SDC2: variants seen among roughly 807,000 people sequenced by gnomAD.
The protein encoded by SDC2 is syndecan-2.
In SDC2, 13 loss-of-function variants were observed where a neutral mutation model predicts 22.2. That is an observed-to-expected ratio of 0.59 (90% CI 0.38 to 0.93). The LOEUF (loss-of-function observed/expected upper bound fraction) is 0.93, where lower values mean the gene tolerates loss of function less well. Among genes scored for constraint, SDC2 ranks in the 40% least tolerant of loss-of-function variants. The pLI, the probability that SDC2 is intolerant of heterozygous loss-of-function variation, is 0.00. For synonymous variants in SDC2, 94 were observed against 92.8 expected, an observed-to-expected ratio of 1.01 and a Z score of -0.07; for missense variants, 235 against 246.8, an observed-to-expected ratio of 0.95 and a Z score of 0.32.
At chr8:96,604,929 G>A (rs553817849) in intron 3 of SDC2, among the ~76,000 whole-genome samples, 19 of 152,146 alleles carry the variant, frequency 1.2e-4, no homozygotes, top group Non-Finnish European at 2.8e-4. Context: ...GCTTCCATAC[G>A]ATAAAACATT....
intron 1 of SDC2, among the ~76,000 whole-genome samples, chr8:96,587,778 T>G (rs1291588742): frequency 6.6e-6 from 1 of 152,154 alleles, no homozygotes; most frequent in Non-Finnish European, 1.5e-5. Context: ...AATGCTGGAT[T>G]AAGCCAAGTT....
chr8:96,575,834 A>G (rs1814478875), intron 1 of SDC2, among the ~76,000 whole-genome samples: 1 of 152,192 alleles, frequency 6.6e-6, no homozygotes, highest in Non-Finnish European at 1.5e-5. Context: ...TCTGTTCTGC[A>G]TGTCAGATTT....
chr8:96,566,961 C>T (rs1814310148), intron 1 of SDC2, among the ~76,000 whole-genome samples: 1 of 152,176 alleles, frequency 6.6e-6, no homozygotes. Context: ...TCAAGCGATT[C>T]TCTTTCCTCA....
rs916332508 is a variant in SDC2 at position 96,495,190 on chromosome 8, C to T, written c.60+859C>T. Among the ~76,000 whole-genome samples the T allele has an allele frequency of 6.4e-4, 98 of 152,344 alleles. 1 individual carries two copies. The highest frequency in any genetic ancestry group is 2.2e-3 in the African/African-American group (92 of 41,592). On this transcript the variant is annotated intron_variant, in intron 1 of 4. Coordinates refer to ENST00000302190, the MANE Select transcript of SDC2 (RefSeq NM_002998.4). ...TCGCCTGGCCGCTGGGGGACAGAGG[C>T]TTCCCTCCCGCCACGCTCGCCCTCT...
intron 1 of SDC2, among the ~76,000 whole-genome samples, chr8:96,507,503 G>A (rs777432675): frequency 4.8e-4 from 73 of 152,290 alleles, no homozygotes; most frequent in Non-Finnish European, 1.0e-3. Context: ...TGAAACTTCA[G>A]GCTAATTATG....
At position 96,600,498 on chromosome 8, in the gene SDC2, C is replaced by T. The variant is rs545677626; in HGVS notation, c.173-1897C>T. 2.0e-5 allele frequency among the ~76,000 whole-genome samples: 3 copies of T among 152,238 alleles called. No homozygotes were observed. The South Asian group carries it at 6.2e-4, about 32-fold the overall frequency. On this transcript the variant is annotated intron_variant, in intron 2 of 4. Transcript: ENST00000302190. ...TTGTTGAACAAATACCAGATCAGAG[C>T]CTGTTATGTCTTAGACACTATGTTA...
chr8:96,538,100 T>C (rs1207449892), intron 1 of SDC2, among the ~76,000 whole-genome samples: 2 of 152,114 alleles, frequency 1.3e-5, no homozygotes, highest in African/African-American at 2.4e-5. Flanking sequence ...GTAGCTGGGA[T>C]TACAGGCGCA....
At chr8:96,599,243 G>C (rs1814935176) in intron 2 of SDC2, among the ~76,000 whole-genome samples, 1 of 152,058 alleles carries the variant, frequency 6.6e-6, no homozygotes, top group African/African-American at 2.4e-5. Context: ...GCTTGGCCCT[G>C]TCTTTAACTT....
chr8:96,560,939 C>T (rs1284449229), intron 1 of SDC2, among the ~76,000 whole-genome samples: 1 of 152,046 alleles, frequency 6.6e-6, no homozygotes, highest in African/African-American at 2.4e-5. Context: ...AACCCCATCT[C>T]TACTAAAAAT....
rs1258760500 is a variant in SDC2 at position 96,518,461 on chromosome 8, C to T, written c.60+24130C>T. Among the ~76,000 whole-genome samples the T allele has an allele frequency of 2.6e-5, 4 of 151,426 alleles. No homozygotes were observed. The East Asian group carries it at 5.9e-4, about 22-fold the overall frequency. On this transcript the variant is annotated intron_variant, in intron 1 of 4. Coordinates refer to ENST00000302190, the MANE Select transcript of SDC2 (RefSeq NM_002998.4). ...CTGCAAGCTCCGCCTCCCAGGTTCA[C>T]GTCATTCTCCTGCCTCAGCCTCCCA...
At chr8:96,532,139 A>C (rs1385828711) in intron 1 of SDC2, among the ~76,000 whole-genome samples, 2 of 152,210 alleles carry the variant, frequency 1.3e-5, no homozygotes, top group South Asian at 2.1e-4. Flanking sequence ...TAGTTAGTGC[A>C]AAGTCTTGAA....
At chr8:96,535,365 A>G (rs1354989856) in intron 1 of SDC2, among the ~76,000 whole-genome samples, 2 of 152,258 alleles carry the variant, frequency 1.3e-5, no homozygotes, top group African/African-American at 4.8e-5. Flanking sequence ...ACTTAAACTA[A>G]AAATTATTTG....
At chr8:96,568,930 G>C (rs997324317) in intron 1 of SDC2, among the ~76,000 whole-genome samples, 9 of 152,210 alleles carry the variant, frequency 5.9e-5, no homozygotes, top group African/African-American at 1.9e-4. Flanking sequence ...TGTCAGGGAA[G>C]GGAAATTACA....
At chr8:96,579,220 A>AT (rs1563668841) in intron 1 of SDC2, among the ~76,000 whole-genome samples, 1 of 152,070 alleles carries the variant, frequency 6.6e-6, no homozygotes, top group Non-Finnish European at 1.5e-5. Context: ...TAAAGTCTTA[A>AT]TTTTTTTTCT....
intron 4 of SDC2, among the ~76,000 whole-genome samples, chr8:96,608,742 A>G (rs2651454): frequency 0.59 from 89,292 of 152,138 alleles, 30,020 homozygotes; most frequent in Non-Finnish European, 0.77. Context: ...ATCCAGAACA[A>G]CTGGATGTAG....
rs577857432 is a variant in SDC2, at chr8:96,521,981, T to C, written c.60+27650T>C. On this transcript the variant is annotated intron_variant, in intron 1 of 4. Transcript: ENST00000302190. ...GATGTATTTTTATACTTCTTAATTA[T>C]GAGATTTTAAATTGCTTTATTTTTA... is the stretch of plus-strand genomic sequence containing the variant. Among the ~76,000 whole-genome samples, 4 of 152,304 alleles carry C rather than the reference T, an allele frequency of 2.6e-5. No individual in the cohort carries two copies. The East Asian group carries it at 7.7e-4, about 29-fold the overall frequency.
rs185777763 is a variant in SDC2, at chr8:96,565,170, C to T, written c.61-28310C>T. ...TACGATCTCGGCTCACTGCAACCTC[C>T]GCCTCCCGGGTTCAAGCAATTCCCC... On this transcript the variant is annotated intron_variant, in intron 1 of 4. Transcript: ENST00000302190. Among the ~76,000 whole-genome samples, 28 of 127,540 alleles carry T rather than the reference C, an allele frequency of 2.2e-4. 1 individual carries two copies. The Middle Eastern group carries it at 0.036, about 164-fold the overall frequency. 83.7% of individuals were successfully genotyped at this position (127,540 alleles called of 152,430 possible).
At chr8:96,497,966 A>G (rs1481371320) in intron 1 of SDC2, among the ~76,000 whole-genome samples, 3 of 152,240 alleles carry the variant, frequency 2.0e-5, no homozygotes, top group Non-Finnish European at 4.4e-5. Context: ...AGGCCAAAAT[A>G]AAGTCTTAGA....
At chr8:96,529,937 C>T (rs530953547) in intron 1 of SDC2, among the ~76,000 whole-genome samples, 13 of 152,262 alleles carry the variant, frequency 8.5e-5, no homozygotes, top group African/African-American at 3.1e-4. Context: ...CCTTCCCTCT[C>T]CCAGCTTTAT....
Sources: gnomAD v4.1 joint callset for allele counts (sites outside exome capture counted in the v4.1 genomes callset) on GRCh38, gnomAD v4.1.1 for gene constraint, MANE v1.5 for transcripts, NCBI Gene and HGNC (gene_info 2026-07-23, HGNC 2026-07-21) for gene names.